Variants in FSTL5 observed in about 807,000 individuals in gnomAD.
FSTL5 encodes the protein follistatin-related protein 5.
FSTL5 carries 62 observed loss-of-function variants against 89.1 expected under a neutral mutation model. The observed-to-expected ratio is 0.70, with a 90% CI of 0.57 to 0.86. FSTL5 has a LOEUF of 0.86. Among genes scored for constraint, FSTL5 ranks in the 40% least tolerant of loss-of-function variants. The pLI, the probability that FSTL5 is intolerant of heterozygous loss-of-function variation, is 0.00. For synonymous variants in FSTL5, 383 were observed against 346.2 expected (o/e 1.11, Z -1.18); for missense variants, 1,057 against 1,001.6 (o/e 1.06, Z -0.75).
chr4:161,756,185 C>T (rs1444646956), intron 6 of FSTL5, among the ~76,000 whole-genome samples: 1 of 151,314 alleles, frequency 6.6e-6, no homozygotes, highest in Non-Finnish European at 1.5e-5. Context: ...TTAGAAAAAA[C>T]ATTATTTCCA....
Position 161,590,039 on chromosome 4 carries a change from A to G in FSTL5, c.895-2464T>C, listed in dbSNP as rs1192692949. Among the ~76,000 whole-genome samples, 3 of 152,280 alleles carry G rather than the reference A, an allele frequency of 2.0e-5. No individual in the cohort carries two copies. In the East Asian group the frequency reaches 5.8e-4, roughly 29 times the overall value. On this transcript the variant is annotated intron_variant, in intron 7 of 15. Transcript: ENST00000306100. ...ATCCCTGTTCAATCATTAGCTCACC[A>G]CTAAGAGTGAATCCCAACAGCCACA... is the stretch of plus-strand genomic sequence containing the variant.
chr4:161,652,566 A>G (rs1307580836), intron 7 of FSTL5, among the ~76,000 whole-genome samples: 1 of 152,198 alleles, frequency 6.6e-6, no homozygotes, highest in East Asian at 1.9e-4. Flanking sequence ...CCATCCTATT[A>G]AAGAAATAAA....
intron 7 of FSTL5, among the ~76,000 whole-genome samples, chr4:161,591,875 GAA>G (rs1733835435): frequency 6.6e-6 from 1 of 152,176 alleles, no homozygotes; most frequent in Admixed American, 6.5e-5. Context: ...AGATGTCAAG[GAA>G]GCTACTAGTT....
At chr4:161,953,453 C>T (rs1422692310) in intron 3 of FSTL5, among the ~76,000 whole-genome samples, 1 of 151,410 alleles carries the variant, frequency 6.6e-6, no homozygotes, top group Non-Finnish European at 1.5e-5. Context: ...GGACAACTTG[C>T]TTTATGCGCA....
chr4:162,146,706 T>G (rs993024792), intron 1 of FSTL5, among the ~76,000 whole-genome samples: 1 of 106,096 alleles, frequency 9.4e-6, no homozygotes. Flanking sequence ...TTCCCTTCCC[T>G]TCCCCTTCCC....
chr4:162,105,542 A>G (rs1731192995), intron 2 of FSTL5, among the ~76,000 whole-genome samples: 1 of 152,288 alleles, frequency 6.6e-6, no homozygotes, highest in Non-Finnish European at 1.5e-5. Context: ...GCACAATCAC[A>G]AAAACGGGTA....
chr4:161,424,355 T>C (rs1732098325), intron 15 of FSTL5, among the ~76,000 whole-genome samples: 1 of 151,804 alleles, frequency 6.6e-6, no homozygotes, highest in Admixed American at 6.6e-5. Flanking sequence ...ATTTACTGTT[T>C]AGTGGGAACA....
At chr4:161,986,320 C>T (rs1474478359) in intron 3 of FSTL5, among the ~76,000 whole-genome samples, 2 of 152,240 alleles carry the variant, frequency 1.3e-5, no homozygotes, top group East Asian at 3.9e-4. Context: ...GAGGCCGAGG[C>T]AGGTGGATCA....
intron 5 of FSTL5, among the ~76,000 whole-genome samples, chr4:161,763,891 A>G (rs1001277064): frequency 5.9e-5 from 9 of 152,174 alleles, no homozygotes; most frequent in Non-Finnish European, 1.3e-4. Flanking sequence ...TCTCCCATAC[A>G]GTCAATATAA....
chr4:161,898,116 T>A (rs1212991142), intron 4 of FSTL5, among the ~76,000 whole-genome samples: 1 of 148,240 alleles, frequency 6.7e-6, no homozygotes, highest in Non-Finnish European at 1.5e-5. Flanking sequence ...ATGAATATAT[T>A]AATATTATAA....
intron 1 of FSTL5, among the ~76,000 whole-genome samples, chr4:162,131,500 T>C (rs1452607483): frequency 6.6e-6 from 1 of 152,210 alleles, no homozygotes; most frequent in Non-Finnish European, 1.5e-5. Context: ...TCATTTCAAA[T>C]TGCATTCACG....
At chr4:161,628,741 G>A (rs1278524370) in intron 7 of FSTL5, among the ~76,000 whole-genome samples, 1 of 151,942 alleles carries the variant, frequency 6.6e-6, no homozygotes, top group Non-Finnish European at 1.5e-5. Flanking sequence ...TATCAGGTTG[G>A]CCCTGCCAAT....
At chr4:161,844,544 C>T (rs772728131) in intron 4 of FSTL5, among the ~76,000 whole-genome samples, 7 of 152,128 alleles carry the variant, frequency 4.6e-5, no homozygotes, top group African/African-American at 7.2e-5. Flanking sequence ...AACCCAAATG[C>T]CAATCAATGA....
In FSTL5 at chr4:161,559,224, C is replaced by A. The variant is rs75892664; in HGVS notation, c.1016-16531G>T. ...AAAAGCCTGCATTGATGTTTCTAAT[C>A]TATATCCTCTCCTTTTTCCTCTTCC... On this transcript the variant is annotated intron_variant, in intron 8 of 15. Coordinates refer to ENST00000306100, the MANE Select transcript of FSTL5 (RefSeq NM_020116.5). Among the ~76,000 whole-genome samples the A allele has an allele frequency of 8.2e-3, 1,250 of 151,786 alleles. 17 individuals carry two copies. The highest frequency in any genetic ancestry group is 0.045 in the Middle Eastern group (13 of 292).
intron 3 of FSTL5, among the ~76,000 whole-genome samples, chr4:161,970,315 T>G (rs763246660): frequency 1.3e-5 from 2 of 152,060 alleles, no homozygotes; most frequent in African/African-American, 4.8e-5. Flanking sequence ...GATATATCAG[T>G]AATAATATTT....
intron 4 of FSTL5, among the ~76,000 whole-genome samples, chr4:161,832,780 T>C (rs1427567233): frequency 1.3e-5 from 2 of 151,720 alleles, no homozygotes; most frequent in Non-Finnish European, 2.9e-5. Context: ...TTTTCTTCTT[T>C]ATTAGTCTTG....
chr4:161,699,519 C>T (rs1404128331), intron 6 of FSTL5, among the ~76,000 whole-genome samples: 2 of 152,028 alleles, frequency 1.3e-5, no homozygotes, highest in Non-Finnish European at 2.9e-5. Flanking sequence ...TGTTGTGATA[C>T]CTTGGAAACT....
chr4:162,117,493 A>C (rs1328256492), intron 1 of FSTL5, among the ~76,000 whole-genome samples: 2 of 152,218 alleles, frequency 1.3e-5, no homozygotes, highest in Non-Finnish European at 2.9e-5. Flanking sequence ...CTTAACATTT[A>C]TAAATCATCC....
intron 3 of FSTL5, among the ~76,000 whole-genome samples, chr4:161,997,652 T>C (rs1279712313): frequency 2.1e-5 from 3 of 145,928 alleles, no homozygotes; most frequent in African/African-American, 7.6e-5. Context: ...TTGCCCAGGC[T>C]GGAGTGCAGT....
Sources: gnomAD v4.1 joint callset for allele counts (sites outside exome capture counted in the v4.1 genomes callset) on GRCh38, gnomAD v4.1.1 for gene constraint, MANE v1.5 for transcripts, NCBI Gene and HGNC (gene_info 2026-07-23, HGNC 2026-07-21) for gene names.